Variants in SRGAP1 observed in about 807,000 individuals in gnomAD.
SRGAP1 encodes SLIT-ROBO Rho GTPase activating protein 1, also known as SLIT-ROBO Rho GTPase-activating protein 1.
A neutral mutation model predicts 121.9 loss-of-function variants in SRGAP1; 43 were observed. That is an observed-to-expected ratio of 0.35 (90% confidence interval 0.28 to 0.46). SRGAP1 has a LOEUF of 0.46. SRGAP1 is among the 20% of genes least tolerant of loss of function. The pLI, the probability that SRGAP1 is intolerant of heterozygous loss-of-function variation, is 1.00. For missense variants in SRGAP1, 1,102 were observed against 1,350.9 expected (o/e 0.82, Z 2.89); for synonymous variants, 447 against 485.4 (o/e 0.92, Z 1.04).
At chr12:63,906,620 C>T (rs2136312094) in intron 1 of SRGAP1, among the ~76,000 whole-genome samples, 1 of 152,192 alleles carries the variant, frequency 6.6e-6, no homozygotes, top group African/African-American at 2.4e-5. Flanking sequence ...GCTGATTTTA[C>T]ATTTTACTTA....
intron 6 of SRGAP1, among the ~76,000 whole-genome samples, chr12:64,056,566 A>AAAG (rs1565660076): frequency 8.0e-5 from 12 of 149,936 alleles, no homozygotes; most frequent in African/African-American, 2.7e-4. Context: ...AAAAAAAAAA[A>AAAG]AGAGAGAAAG....
At chr12:63,952,128 T>C (rs2032319242) in intron 1 of SRGAP1, among the ~76,000 whole-genome samples, 1 of 152,146 alleles carries the variant, frequency 6.6e-6, no homozygotes, top group Admixed American at 6.5e-5. Flanking sequence ...ACTTTAAATG[T>C]ACACTCACCC....
chr12:64,041,794 A>G (rs1356415206), intron 4 of SRGAP1, among the ~76,000 whole-genome samples: 1 of 151,876 alleles, frequency 6.6e-6, no homozygotes, highest in Non-Finnish European at 1.5e-5. Flanking sequence ...GTGTTTTCAT[A>G]GAGAAAAGGC....
Position 64,142,745 on chromosome 12 carries a change from C to A in SRGAP1, c.*73C>A. On this transcript the variant is annotated 3_prime_UTR_variant, in exon 22 of 22. Coordinates refer to ENST00000355086, the MANE Select transcript of SRGAP1 (RefSeq NM_020762.4). Reference sequence around the variant, plus strand: ...TGGATTAGTGACAAAAGTCACTGATCCATAACTTTCCTTAGTTTTGTGCTT... The same window carrying A: ...TGGATTAGTGACAAAAGTCACTGATACATAACTTTCCTTAGTTTTGTGCTT... The A allele has an allele frequency of 1.6e-5, 24 of 1,524,894 alleles. No homozygotes were observed. The highest frequency in any genetic ancestry group is 2.1e-5 in the Non-Finnish European group (24 of 1,136,704). The allele number at this position is 1,524,894 out of a possible 1,614,324, so 94.5% of individuals were successfully genotyped here.
intron 1 of SRGAP1, among the ~76,000 whole-genome samples, chr12:63,939,883 T>G (rs2031802940): frequency 6.6e-6 from 1 of 152,130 alleles, no homozygotes; most frequent in Non-Finnish European, 1.5e-5. Flanking sequence ...TCTGCAACTC[T>G]CAAGTCCAGT....
chr12:64,110,118 A>G (rs1172984075), intron 16 of SRGAP1, among the ~76,000 whole-genome samples: 1 of 152,172 alleles, frequency 6.6e-6, no homozygotes, highest in Non-Finnish European at 1.5e-5. Context: ...TTTACCTTTA[A>G]GGAAACACAC....
intron 1 of SRGAP1, among the ~76,000 whole-genome samples, chr12:63,940,488 A>C (rs1480390934): frequency 6.6e-6 from 1 of 151,234 alleles, no homozygotes; most frequent in African/African-American, 2.4e-5. Flanking sequence ...CCATGTGTTA[A>C]GGGGGTGGGG....
intron 12 of SRGAP1, among the ~76,000 whole-genome samples, chr12:64,092,721 G>A (rs911888353): frequency 5.3e-5 from 8 of 152,082 alleles, no homozygotes; most frequent in African/African-American, 1.9e-4. Context: ...CAAATTATAT[G>A]GAGAGAGAGG....
intron 1 of SRGAP1, among the ~76,000 whole-genome samples, chr12:63,924,107 G>A (rs967680513): frequency 5.9e-5 from 9 of 152,066 alleles, no homozygotes; most frequent in Middle Eastern, 3.2e-3. Context: ...GTAGTGAGCC[G>A]AGATTGCACC....
At chr12:63,875,105 G>A (rs980840119) in intron 1 of SRGAP1, among the ~76,000 whole-genome samples, 2 of 152,016 alleles carry the variant, frequency 1.3e-5, no homozygotes, top group Non-Finnish European at 2.9e-5. Context: ...GTAGAGATGG[G>A]GTCTCACTGC....
intron 1 of SRGAP1, among the ~76,000 whole-genome samples, chr12:63,873,834 A>G (rs1010787302): frequency 6.6e-6 from 1 of 151,560 alleles, no homozygotes; most frequent in African/African-American, 2.4e-5. Flanking sequence ...TTCAAGACCA[A>G]CCTGGTAACG....
intron 2 of SRGAP1, among the ~76,000 whole-genome samples, chr12:63,984,650 T>C (rs1042599560): frequency 3.9e-5 from 6 of 152,216 alleles, no homozygotes; most frequent in Admixed American, 3.9e-4. Context: ...AAAGTAAGTT[T>C]AATTATGATT....
chr12:63,954,719 G>T (rs1392835295), intron 1 of SRGAP1, among the ~76,000 whole-genome samples: 2 of 151,238 alleles, frequency 1.3e-5, no homozygotes, highest in East Asian at 3.9e-4. Flanking sequence ...GTGAGTAGAG[G>T]CAATTTGAAG....
intron 8 of SRGAP1, among the ~76,000 whole-genome samples, chr12:64,069,625 T>C (rs2035605152): frequency 6.6e-6 from 1 of 152,198 alleles, no homozygotes; most frequent in Non-Finnish European, 1.5e-5. Flanking sequence ...CTTAACTGTT[T>C]ATTAAAACTT....
At chr12:63,872,756 T>C (rs1051919789) in intron 1 of SRGAP1, among the ~76,000 whole-genome samples, 8 of 152,362 alleles carry the variant, frequency 5.3e-5, no homozygotes, top group African/African-American at 1.9e-4. Flanking sequence ...GTTTGTTGAA[T>C]GAATAGTGAA....
At chr12:64,080,695 C>T in intron 10 of SRGAP1, 1 of 397,668 alleles carries the variant, frequency 2.5e-6, no homozygotes, top group Admixed American at 3.9e-5. Flanking sequence ...CCTGCTGACC[C>T]CCCAGTCTCT....
At chr12:64,138,706 A>G (rs890518179) in intron 21 of SRGAP1, among the ~76,000 whole-genome samples, 19 of 151,946 alleles carry the variant, frequency 1.3e-4, no homozygotes, top group Non-Finnish European at 2.5e-4. Context: ...AGGGAAATTG[A>G]TATTAAAACA....
At chr12:64,003,903 A>G (rs2033993464) in intron 3 of SRGAP1, among the ~76,000 whole-genome samples, 2 of 152,360 alleles carry the variant, frequency 1.3e-5, no homozygotes, top group African/African-American at 4.8e-5. Flanking sequence ...ACCTACACAC[A>G]TCATAATAAA....
intron 21 of SRGAP1, among the ~76,000 whole-genome samples, chr12:64,131,155 T>A (rs1021304283): frequency 2.0e-5 from 3 of 152,132 alleles, no homozygotes; most frequent in Admixed American, 1.3e-4. Context: ...CTGAATGGTG[T>A]CCACAGAATG....
Sources: gnomAD v4.1 joint callset for allele counts (sites outside exome capture counted in the v4.1 genomes callset) on GRCh38, gnomAD v4.1.1 for gene constraint, MANE v1.5 for transcripts, NCBI Gene and HGNC (gene_info 2026-07-23, HGNC 2026-07-21) for gene names.